The following FOXJ3 variants were observed in gnomAD, a reference collection of about 807,000 sequenced individuals.
FOXJ3 encodes forkhead box protein J3.
A neutral mutation model predicts 76.1 loss-of-function variants in FOXJ3; 22 were observed. The observed-to-expected ratio is 0.29, with a 90% CI of 0.21 to 0.41. The LOEUF is 0.41. FOXJ3 is among the 10% of genes least tolerant of loss of function. The probability of loss-of-function intolerance (pLI) is 1.00; values close to 1 mark genes in which losing one functional copy is unlikely to be tolerated. For missense variants in FOXJ3, 613 were observed against 762.1 expected, an observed-to-expected ratio of 0.80 and a Z score of 2.30; for synonymous variants, 269 against 261.2, an observed-to-expected ratio of 1.03 and a Z score of -0.29.
intron 8 of FOXJ3, among the ~76,000 whole-genome samples, chr1:42,193,430 A>T (rs1483259362): frequency 6.6e-6 from 1 of 150,870 alleles, no homozygotes; most frequent in Non-Finnish European, 1.5e-5. Flanking sequence ...GTGTGATGGA[A>T]TGGAATTATG....
chr1:42,182,337 T>C (rs374451454), intron 11 of FOXJ3, among the ~76,000 whole-genome samples: 9 of 152,286 alleles, frequency 5.9e-5, no homozygotes, highest in African/African-American at 9.6e-5. Context: ...TTTGTATCCA[T>C]TACTTCATCT....
chr1:42,234,959 G>T (rs1648480879), intron 4 of FOXJ3, among the ~76,000 whole-genome samples: 1 of 152,222 alleles, frequency 6.6e-6, no homozygotes. Context: ...AGTCTGCAGA[G>T]GATTCTGCTG....
At chr1:42,201,323 CAA>C (rs1164438054) in intron 6 of FOXJ3, among the ~76,000 whole-genome samples, 1 of 152,182 alleles carries the variant, frequency 6.6e-6, no homozygotes, top group East Asian at 1.9e-4. Context: ...TTCCATACCT[CAA>C]AGAGAAAGTT....
At chr1:42,332,941 T>C (rs1656247820) in intron 1 of FOXJ3, among the ~76,000 whole-genome samples, 1 of 152,216 alleles carries the variant, frequency 6.6e-6, no homozygotes, top group Admixed American at 6.5e-5. Flanking sequence ...ATGATGTACA[T>C]GTTTCCCGAA....
At chr1:42,308,637 A>G (rs1402063574) in intron 2 of FOXJ3, among the ~76,000 whole-genome samples, 1 of 152,208 alleles carries the variant, frequency 6.6e-6, no homozygotes, top group East Asian at 1.9e-4. Flanking sequence ...ATGATTAAAT[A>G]TCATGACTCA....
At chr1:42,312,232 T>A (rs1044741687) in intron 1 of FOXJ3, among the ~76,000 whole-genome samples, 1 of 152,106 alleles carries the variant, frequency 6.6e-6, no homozygotes, top group Non-Finnish European at 1.5e-5. Context: ...TTTAACGTTT[T>A]AAAAAAATAC....
At chr1:42,331,828 TTA>T (rs201511617) in intron 1 of FOXJ3, among the ~76,000 whole-genome samples, 2,045 of 148,588 alleles carry the variant, frequency 0.014, 42 homozygotes, top group African/African-American at 0.041. Flanking sequence ...GAAAGCTTTT[TTA>T]AAAAAAAAAA....
chr1:42,213,754 A>C (rs1226779342), intron 5 of FOXJ3, among the ~76,000 whole-genome samples: 2 of 152,186 alleles, frequency 1.3e-5, no homozygotes, highest in Non-Finnish European at 1.5e-5. Flanking sequence ...TCTAAAAAAA[A>C]CCCCAAACTC....
At chr1:42,303,163 G>C (rs1654261468) in intron 2 of FOXJ3, among the ~76,000 whole-genome samples, 1 of 152,170 alleles carries the variant, frequency 6.6e-6, no homozygotes, top group African/African-American at 2.4e-5. Flanking sequence ...AGAGGCAGTA[G>C]AGTTAAATGG....
In FOXJ3 at chr1:42,226,340, G is replaced by A. The variant is rs562800909; in HGVS notation, c.528+1543C>T. ...AAATTGTCTAGCTCTGGCCGGGCAC[G>A]GCGGGTCACGCCTGTAGTACCAGCA... On this transcript the variant is annotated intron_variant, in intron 5 of 12. Coordinates refer to ENST00000361346, the MANE Select transcript of FOXJ3 (RefSeq NM_014947.5). Among the ~76,000 whole-genome samples, 5 of 152,318 alleles carry A rather than the reference G, an allele frequency of 3.3e-5. No homozygotes were observed. In the South Asian group the frequency reaches 6.2e-4, roughly 19 times the overall value.
intron 4 of FOXJ3, among the ~76,000 whole-genome samples, chr1:42,254,117 G>GA (rs1463353152): frequency 1.5e-4 from 22 of 151,330 alleles, no homozygotes; most frequent in Admixed American, 4.0e-4. Flanking sequence ...AAATTTACAA[G>GA]AAAAAAAACA....
intron 5 of FOXJ3, among the ~76,000 whole-genome samples, chr1:42,221,413 T>C (rs1647183932): frequency 1.3e-5 from 2 of 152,202 alleles, no homozygotes; most frequent in African/African-American, 4.8e-5. Context: ...ATTTCTTGAT[T>C]ATCAAGATGA....
intron 2 of FOXJ3, among the ~76,000 whole-genome samples, chr1:42,298,530 T>C (rs1253500519): frequency 6.6e-6 from 1 of 152,190 alleles, no homozygotes; most frequent in Admixed American, 6.5e-5. Context: ...TCTTTATCAT[T>C]TCTGCTTATA....
At position 42,311,127 on chromosome 1, in the gene FOXJ3, A is replaced by C; in HGVS notation, c.-17-17T>G. 1.3e-6 allele frequency: 2 copies of C among 1,562,244 alleles called. No homozygotes were observed. The highest frequency in any genetic ancestry group is 1.7e-6 in the Non-Finnish European group (2 of 1,149,258). On this transcript the variant is annotated splice_polypyrimidine_tract_variant and intron_variant, in intron 1 of 12. Coordinates refer to ENST00000361346, the MANE Select transcript of FOXJ3 (RefSeq NM_014947.5). ...AAAGAGAATCTGAAAAGCAAAGAAG[A>C]GTTAGTTATCAGATACTGCAAAGTA...
At chr1:42,219,141 A>C (rs1040701895) in intron 5 of FOXJ3, among the ~76,000 whole-genome samples, 1 of 152,218 alleles carries the variant, frequency 6.6e-6, no homozygotes. Context: ...TAAAAATTTT[A>C]AAGAAAAAAA....
In FOXJ3 at chr1:42,251,706, A is replaced by ATTTTT. The variant is rs1168120638; in HGVS notation, c.444+13404_444+13408dup. On this transcript the variant is annotated intron_variant, in intron 4 of 12. Coordinates refer to ENST00000361346, the MANE Select transcript of FOXJ3 (RefSeq NM_014947.5). The stretch of plus-strand genomic sequence containing the variant: ...GTGCTGCTGGATTCGGTTTGCCAGT[A>ATTTTT]TTTTTTTTTTTTTTTTTTTTTTTTT... Among the ~76,000 whole-genome samples, 184 of 87,548 alleles carry ATTTTT rather than the reference A, an allele frequency of 2.1e-3. 10 individuals are homozygous for ATTTTT. The highest frequency in any genetic ancestry group is 7.1e-3 in the African/African-American group (145 of 20,404). The allele number at this position is 87,548 out of a possible 152,430, so 57.4% of individuals were successfully genotyped here. A position where few individuals can be genotyped will look rare whatever the true frequency, so the allele number is the denominator to read the frequency against.
chr1:42,187,380 C>T (rs1442896873), intron 11 of FOXJ3, among the ~76,000 whole-genome samples: 3 of 151,804 alleles, frequency 2.0e-5, no homozygotes, highest in Non-Finnish European at 4.4e-5. Context: ...TGGATGAACA[C>T]AGAAAGAAAA....
At chr1:42,284,376 T>C (rs138361692) in intron 2 of FOXJ3, among the ~76,000 whole-genome samples, 3 of 152,316 alleles carry the variant, frequency 2.0e-5, no homozygotes, top group South Asian at 2.1e-4. Flanking sequence ...AGGAAAAATT[T>C]AGAATGTTGG....
rs867034730 is a variant in FOXJ3 at position 42,326,481 on chromosome 1, C to T, written c.-18+8578G>A. Among the ~76,000 whole-genome samples, 4 of 152,192 alleles carry T rather than the reference C, an allele frequency of 2.6e-5. 1 individual carries two copies. Among genetic ancestry groups the T allele is most frequent in the African/African-American group, 9.6e-5 (4 of 41,532 alleles). On this transcript the variant is annotated intron_variant, in intron 1 of 12. Coordinates refer to ENST00000361346, the MANE Select transcript of FOXJ3 (RefSeq NM_014947.5). The stretch of plus-strand genomic sequence containing the variant: ...TCTATATACTGTTACTCTTCCCAAC[C>T]ACCAGGCAACAGACAACACATCTCC...
Sources: allele counts gnomAD v4.1 joint callset (sites outside exome capture counted in the v4.1 genomes callset), GRCh38; gene constraint gnomAD v4.1.1; transcripts MANE v1.5; gene names NCBI Gene and HGNC (gene_info 2026-07-23, HGNC 2026-07-21).